ZNF407: variants seen among roughly 807,000 people sequenced by gnomAD.
The protein encoded by ZNF407 is zinc finger protein 407.
In ZNF407, 17 loss-of-function variants were observed where a neutral mutation model predicts 131.2. The observed-to-expected ratio is 0.13, with a 90% CI of 0.09 to 0.19. The LOEUF is 0.19. Among genes scored for constraint, ZNF407 ranks in the 10% least tolerant of loss-of-function variants. The probability of loss-of-function intolerance (pLI) is 1.00; values close to 1 mark genes in which losing one functional copy is unlikely to be tolerated. For missense variants in ZNF407, 2,681 were observed against 2,830.6 expected, an observed-to-expected ratio of 0.95 and a Z score of 1.20; for synonymous variants, 1,156 against 1,062.0, an observed-to-expected ratio of 1.09 and a Z score of -1.72.
chr18:74,941,749 C>G (rs1972101587), intron 8 of ZNF407, among the ~76,000 whole-genome samples: 1 of 152,134 alleles, frequency 6.6e-6, no homozygotes, highest in African/African-American at 2.4e-5. Flanking sequence ...CTTTCGTAGG[C>G]TAGGATACTT....
chr18:74,687,982 TA>T (rs925724622), intron 3 of ZNF407, among the ~76,000 whole-genome samples: 5 of 152,168 alleles, frequency 3.3e-5, no homozygotes, highest in African/African-American at 7.2e-5. Context: ...GATTAGGCTT[TA>T]AAAAATTAAT....
intron 1 of ZNF407, among the ~76,000 whole-genome samples, chr18:74,616,526 G>T (rs1983294536): frequency 6.6e-6 from 1 of 151,656 alleles, no homozygotes; most frequent in South Asian, 2.1e-4. Context: ...TACAAAACCA[G>T]CCCACTCCCT....
At chr18:75,006,192 A>T (rs9952375) in intron 8 of ZNF407, among the ~76,000 whole-genome samples, 33,750 of 151,980 alleles carry the variant, frequency 0.22, 4,252 homozygotes, top group Middle Eastern at 0.33. Flanking sequence ...TTGAGAATGG[A>T]TTGTTACTTT....
chr18:74,819,595 G>A (rs748266284), intron 4 of ZNF407, among the ~76,000 whole-genome samples: 3 of 152,110 alleles, frequency 2.0e-5, no homozygotes, highest in South Asian at 4.2e-4. Context: ...CAGGGAGCTC[G>A]GGGCATGGCA....
At chr18:75,000,131 G>C (rs1359944303) in intron 8 of ZNF407, among the ~76,000 whole-genome samples, 1 of 152,162 alleles carries the variant, frequency 6.6e-6, no homozygotes, top group African/African-American at 2.4e-5. Flanking sequence ...CTGTGGGCGG[G>C]TCCACAGGAA....
At chr18:74,842,562 A>G (rs1301693570) in intron 4 of ZNF407, among the ~76,000 whole-genome samples, 2 of 151,658 alleles carry the variant, frequency 1.3e-5, no homozygotes, top group African/African-American at 2.4e-5. Context: ...TTTGAAAAAC[A>G]GTGACGCCTT....
chr18:74,778,336 G>T (rs1232680142), intron 3 of ZNF407, among the ~76,000 whole-genome samples: 1 of 152,134 alleles, frequency 6.6e-6, no homozygotes, highest in Non-Finnish European at 1.5e-5. Flanking sequence ...TTATTCCTTG[G>T]CAGGCACCGT....
Position 74,775,532 on chromosome 18 carries a change from T to A in ZNF407, c.4803-5896T>A, listed in dbSNP as rs193240249. ...AGATAGTTTCTCACATATTTGTCAGTTCCCACAAATCTATTTTCTTATAGT... is the reference window on the plus strand; with the variant it reads ...AGATAGTTTCTCACATATTTGTCAGATCCCACAAATCTATTTTCTTATAGT... On this transcript the variant is annotated intron_variant, in intron 3 of 8. Transcript: ENST00000299687. Among the ~76,000 whole-genome samples the A allele has an allele frequency of 1.1e-3, 170 of 152,326 alleles. 3 individuals are homozygous for A. The highest frequency in any genetic ancestry group is 0.011 in the Admixed American group (168 of 15,292).
chr18:75,012,587 A>G (rs1398176894), intron 8 of ZNF407, among the ~76,000 whole-genome samples: 1 of 152,112 alleles, frequency 6.6e-6, no homozygotes, highest in African/African-American at 2.4e-5. Flanking sequence ...GAATTAGACT[A>G]GCAATAATAG....
At chr18:74,614,263 G>C (rs1490704641) in intron 1 of ZNF407, among the ~76,000 whole-genome samples, 1 of 151,966 alleles carries the variant, frequency 6.6e-6, no homozygotes, top group African/African-American at 2.4e-5. Flanking sequence ...GAATCTTCAG[G>C]GTACAAAATC....
intron 1 of ZNF407, among the ~76,000 whole-genome samples, chr18:74,624,700 G>T (rs1388897096): frequency 1.3e-5 from 2 of 152,194 alleles, no homozygotes; most frequent in Non-Finnish European, 2.9e-5. Flanking sequence ...TTCTAAGTCA[G>T]TCTGTGGTAG....
chr18:74,666,920 T>C (rs1458977391), intron 3 of ZNF407, among the ~76,000 whole-genome samples: 1 of 152,238 alleles, frequency 6.6e-6, no homozygotes, highest in Non-Finnish European at 1.5e-5. Context: ...AGAATATTTC[T>C]GTGTGAGTCT....
chr18:74,757,979 G>C (rs919719360), intron 3 of ZNF407, among the ~76,000 whole-genome samples: 2 of 152,082 alleles, frequency 1.3e-5, no homozygotes, highest in Non-Finnish European at 2.9e-5. Flanking sequence ...TGATTGCATG[G>C]TGTATCTTTC....
chr18:75,047,545 T>C (rs1387084437), intron 8 of ZNF407, among the ~76,000 whole-genome samples: 1 of 152,108 alleles, frequency 6.6e-6, no homozygotes, highest in Non-Finnish European at 1.5e-5. Flanking sequence ...GATTTTTTTT[T>C]CCCTTCACTT....
At chr18:74,965,658 C>T (rs1383793977) in intron 8 of ZNF407, among the ~76,000 whole-genome samples, 1 of 152,076 alleles carries the variant, frequency 6.6e-6, no homozygotes, top group Non-Finnish European at 1.5e-5. Flanking sequence ...TATGGATTAC[C>T]TTTATTTTGT....
intron 7 of ZNF407, among the ~76,000 whole-genome samples, chr18:74,907,841 G>A (rs1035229086): frequency 1.3e-5 from 2 of 152,118 alleles, no homozygotes; most frequent in African/African-American, 4.8e-5. Flanking sequence ...TTTTTCAAAA[G>A]CTTTTGCTAA....
intron 3 of ZNF407, among the ~76,000 whole-genome samples, chr18:74,710,580 G>A (rs567471577): frequency 6.6e-6 from 1 of 152,202 alleles, no homozygotes; most frequent in East Asian, 1.9e-4. Context: ...TGTCCTCATG[G>A]GTGTTACAGC....
At chr18:74,644,886 G>A (rs1190096589) in intron 3 of ZNF407, among the ~76,000 whole-genome samples, 1 of 150,886 alleles carries the variant, frequency 6.6e-6, no homozygotes, top group Non-Finnish European at 1.5e-5. Flanking sequence ...TTCTCTCTAG[G>A]TTGTTTTCAC....
intron 8 of ZNF407, among the ~76,000 whole-genome samples, chr18:74,963,406 T>C (rs4616366): frequency 0.084 from 12,766 of 152,208 alleles, 1,777 homozygotes; most frequent in African/African-American, 0.28. Context: ...CTGCAGGTTA[T>C]CGGGTGGTAA....
Sources: allele counts gnomAD v4.1 joint callset (sites outside exome capture counted in the v4.1 genomes callset), GRCh38; gene constraint gnomAD v4.1.1; transcripts MANE v1.5; gene names NCBI Gene and HGNC (gene_info 2026-07-23, HGNC 2026-07-21).